DOCK5: variants seen among roughly 807,000 people sequenced by gnomAD.
DOCK5 encodes dedicator of cytokinesis 5.
A neutral mutation model predicts 251.8 loss-of-function variants in DOCK5; 142 were observed. The ratio of observed to expected loss-of-function variants is 0.56; its 90% confidence interval spans 0.49 to 0.65. DOCK5 has a LOEUF of 0.65. Ranked by LOEUF, DOCK5 falls within the 30% of genes least tolerant of loss-of-function variation. DOCK5 has a pLI of 0.00. For missense variants in DOCK5, 2,111 were observed against 2,312.3 expected (o/e 0.91, Z 1.79); for synonymous variants, 842 against 835.5 (o/e 1.01, Z -0.13).
At chr8:25,191,505 T>C (rs937336739) in intron 1 of DOCK5, among the ~76,000 whole-genome samples, 20 of 152,214 alleles carry the variant, frequency 1.3e-4, no homozygotes, top group Non-Finnish European at 1.5e-5. Flanking sequence ...AATGTTTCAA[T>C]TTGAATTTCT....
intron 40 of DOCK5, among the ~76,000 whole-genome samples, chr8:25,384,252 A>G (rs1233957631): frequency 2.0e-5 from 3 of 152,148 alleles, no homozygotes; most frequent in Non-Finnish European, 4.4e-5. Context: ...GACAGAAAGT[A>G]GATCAGTGGT....
chr8:25,316,076 G>T (rs1345356263), intron 13 of DOCK5, among the ~76,000 whole-genome samples: 1 of 151,604 alleles, frequency 6.6e-6, no homozygotes, highest in Non-Finnish European at 1.5e-5. Flanking sequence ...TCAATATGTG[G>T]GCCACACATT....
intron 49 of DOCK5, 129 bp downstream of exon 49, chr8:25,408,283 G>C: frequency 9.9e-7 from 1 of 1,013,378 alleles, no homozygotes; most frequent in Non-Finnish European, 1.4e-6. Context: ...AGCAGCCTGG[G>C]TTAGTGTCAG....
chr8:25,357,373 CTTTTT>C (rs397891518), intron 27 of DOCK5, among the ~76,000 whole-genome samples: 3 of 92,626 alleles, frequency 3.2e-5, no homozygotes, highest in African/African-American at 4.1e-5. Context: ...AAAAAATAAA[CTTTTT>C]TTTTTTTTTT....
At position 25,269,876 on chromosome 8, in the gene DOCK5, C is replaced by A. The variant is rs755320011; in HGVS notation, c.168+991C>A. 5.9e-5 allele frequency among the ~76,000 whole-genome samples: 9 copies of A among 152,348 alleles called. No individual in the cohort carries two copies. In the South Asian group the frequency reaches 1.2e-3, roughly 21 times the overall value. On this transcript the variant is annotated intron_variant, in intron 3 of 51. Transcript: ENST00000276440. Reference sequence around the variant, plus strand: ...AACAAAACCAGACCCACGGTTCTTACACTTCACGGACAGCATGAGAAAGAC... The same window carrying A: ...AACAAAACCAGACCCACGGTTCTTAAACTTCACGGACAGCATGAGAAAGAC...
At chr8:25,326,016 A>G (rs1431762938) in intron 18 of DOCK5, among the ~76,000 whole-genome samples, 1 of 152,050 alleles carries the variant, frequency 6.6e-6, no homozygotes, top group Admixed American at 6.6e-5. Flanking sequence ...TTTTTTTCCA[A>G]GCAGTCAGGG....
At chr8:25,221,239 G>C (rs982467544) in intron 1 of DOCK5, among the ~76,000 whole-genome samples, 1 of 152,152 alleles carries the variant, frequency 6.6e-6, no homozygotes, top group African/African-American at 2.4e-5. Flanking sequence ...GAAATTATTA[G>C]ATCAAAGAAT....
chr8:25,325,561 A>G lies in DOCK5; in HGVS notation c.1903+14A>G, dbSNP rs778469895. 1.2e-6 allele frequency: 2 copies of G among 1,611,292 alleles called. No individual in the cohort carries two copies. Among genetic ancestry groups the G allele is most frequent in the Non-Finnish European group, 1.7e-6 (2 of 1,178,532 alleles). On this transcript the variant is annotated intron_variant, in intron 18 of 51. Coordinates refer to ENST00000276440, the MANE Select transcript of DOCK5 (RefSeq NM_024940.8). ...TCACCCAGAATGGTAGGAGTGGTGA[A>G]TACACTGACACAAATAAGCTTCTTG...
chr8:25,323,717 C>A, intron 16 of DOCK5, 131 bp from the exon 17 acceptor site: 1 of 954,798 alleles, frequency 1.0e-6, no homozygotes, highest in Non-Finnish European at 1.6e-6. Context: ...TGGCTTATTG[C>A]AGTTTGCTCA....
At chr8:25,328,054 C>T (rs1805603904) in intron 18 of DOCK5, among the ~76,000 whole-genome samples, 2 of 151,964 alleles carry the variant, frequency 1.3e-5, no homozygotes, top group Non-Finnish European at 2.9e-5. Flanking sequence ...AATCAGTCCG[C>T]TAGTTGCCCT....
intron 26 of DOCK5, 161 bp from the exon 27 acceptor site, chr8:25,351,570 A>G (rs1800468750): frequency 1.7e-6 from 1 of 593,276 alleles, no homozygotes; most frequent in Non-Finnish European, 3.0e-6. Context: ...TCATAAAGTT[A>G]TATATTATTC....
At chr8:25,324,919 A>T (rs1805524103) in intron 17 of DOCK5, among the ~76,000 whole-genome samples, 1 of 150,436 alleles carries the variant, frequency 6.6e-6, no homozygotes, top group African/African-American at 2.5e-5. Flanking sequence ...TCCTTGTGAT[A>T]GTTTGCTGAG....
intron 43 of DOCK5, 66 bp downstream of exon 43, chr8:25,392,046 G>T (rs1016157574): frequency 1.4e-6 from 2 of 1,472,922 alleles, no homozygotes; most frequent in South Asian, 2.4e-5. Context: ...GCTCACGCCT[G>T]TAATCCCAGC....
At chr8:25,282,721 A>G (rs1002141568) in intron 5 of DOCK5, among the ~76,000 whole-genome samples, 4 of 151,970 alleles carry the variant, frequency 2.6e-5, no homozygotes, top group South Asian at 4.2e-4. Flanking sequence ...ACAGTGGCAC[A>G]TACCTGTAAT....
intron 16 of DOCK5, among the ~76,000 whole-genome samples, chr8:25,321,468 T>G (rs1304737401): frequency 6.6e-6 from 1 of 152,178 alleles, no homozygotes; most frequent in African/African-American, 2.4e-5. Context: ...CACCATAATG[T>G]AGAATCAGTG....
chr8:25,386,579 C>G (rs547431900), intron 40 of DOCK5, among the ~76,000 whole-genome samples: 1 of 152,102 alleles, frequency 6.6e-6, no homozygotes, highest in Non-Finnish European at 1.5e-5. Flanking sequence ...GCCTGGATGA[C>G]AGAGTGAGAC....
chr8:25,263,955 A>T (rs1803663467), intron 2 of DOCK5, among the ~76,000 whole-genome samples: 1 of 151,828 alleles, frequency 6.6e-6, no homozygotes, highest in African/African-American at 2.4e-5. Flanking sequence ...TATACCAAAG[A>T]CTACTGTCCT....
chr8:25,391,931 A>T lies in DOCK5; in HGVS notation c.4391A>T (p.Tyr1464Phe). The T allele has an allele frequency of 6.2e-7, 1 of 1,613,818 alleles. No homozygotes were observed. The highest frequency in any genetic ancestry group is 8.5e-7 in the Non-Finnish European group (1 of 1,179,844). The change falls in exon 43 of 52, where the codon TAC becomes TTC. Residue 1464 changes from tyrosine to phenylalanine, a missense_variant. Coordinates refer to ENST00000276440, the MANE Select transcript of DOCK5 (RefSeq NM_024940.8). ...GCCAATGAAGTGCAGCAGTTCAGAT[A>T]CTCCCGGCCGTTCCGGAAAGGAGAA... ...YRANEVQQFRYSRPFRKGEKD... is the reference protein window; with the variant it reads ...YRANEVQQFRFSRPFRKGEKD...
chr8:25,331,244 C>G, intron 18 of DOCK5, among the ~76,000 whole-genome samples: 1 of 151,304 alleles, frequency 6.6e-6, no homozygotes, highest in African/African-American at 2.4e-5. Context: ...CACACACACA[C>G]ACACACACAC....
Sources: allele counts gnomAD v4.1 joint callset (sites outside exome capture counted in the v4.1 genomes callset), GRCh38; gene constraint gnomAD v4.1.1; transcripts MANE v1.5; gene names NCBI Gene and HGNC (gene_info 2026-07-23, HGNC 2026-07-21).